JDP2: variants seen among roughly 807,000 people sequenced by gnomAD.
JDP2 encodes progesterone receptor co-activator.
A neutral mutation model predicts 17.1 loss-of-function variants in JDP2; 9 were observed. The ratio of observed to expected loss-of-function variants is 0.53; its 90% CI spans 0.32 to 0.92. The LOEUF is 0.92. JDP2 is among the 40% of genes least tolerant of loss of function. JDP2 has a pLI of 0.04. For missense variants in JDP2, 179 were observed against 220.0 expected, an observed-to-expected ratio of 0.81 and a Z score of 1.18; for synonymous variants, 107 against 95.6, an observed-to-expected ratio of 1.12 and a Z score of -0.69.
At chr14:75,460,766 G>T (rs1371532246) in intron 2 of JDP2, among the ~76,000 whole-genome samples, 1 of 152,222 alleles carries the variant, frequency 6.6e-6, no homozygotes, top group Non-Finnish European at 1.5e-5. Flanking sequence ...GACCCTGGGG[G>T]CAGAAGCGAG....
intron 2 of JDP2, among the ~76,000 whole-genome samples, chr14:75,448,051 C>A (rs972358151): frequency 3.3e-5 from 5 of 152,100 alleles, no homozygotes; most frequent in African/African-American, 1.2e-4. Flanking sequence ...AATTTGGATA[C>A]GAGATTATCA....
chr14:75,468,033 C>T (rs61978939), intron 3 of JDP2, among the ~76,000 whole-genome samples: 16,673 of 152,028 alleles, frequency 0.11, 1,110 homozygotes, highest in Middle Eastern at 0.18. Context: ...GGGTTGGGCC[C>T]ACTGAGGGTT....
At chr14:75,432,098 C>G (rs527928184) in intron 1 of JDP2, 157 of 580,714 alleles carry the variant, frequency 2.7e-4, no homozygotes, top group South Asian at 1.2e-3. Flanking sequence ...TCTTAACCCC[C>G]CCTTCCTCTT....
intron 3 of JDP2, among the ~76,000 whole-genome samples, chr14:75,462,583 T>G (rs1886388065): frequency 6.6e-6 from 1 of 152,228 alleles, no homozygotes; most frequent in South Asian, 2.1e-4. Context: ...TTCATTTGTT[T>G]GCTCTTTTGT....
chr14:75,465,774 A>G (rs1278764897), intron 3 of JDP2, among the ~76,000 whole-genome samples: 1 of 152,232 alleles, frequency 6.6e-6, no homozygotes, highest in Non-Finnish European at 1.5e-5. Context: ...TTCACCTTGT[A>G]TTCTTTCTAC....
At chr14:75,429,494 T>G (rs1884690260) in intron 1 of JDP2, among the ~76,000 whole-genome samples, 1 of 152,116 alleles carries the variant, frequency 6.6e-6, no homozygotes, top group South Asian at 2.1e-4. Flanking sequence ...TTTAAGCCCT[T>G]GGTAGAAACT....
chr14:75,469,348 A>T lies in JDP2; in HGVS notation c.365A>T (p.Lys122Met). Reference protein sequence around the residue: ...AELKTQIEELKQERQQLILML... With the variant: ...AELKTQIEELMQERQQLILML... Reference sequence around the variant, plus strand: ...CTGAAGACCCAGATTGAGGAGCTGAAGCAGGAGCGGCAGCAGCTCATCCTG... The same window carrying T: ...CTGAAGACCCAGATTGAGGAGCTGATGCAGGAGCGGCAGCAGCTCATCCTG... Residue 122 changes from lysine to methionine, a missense_variant, in exon 4 of 4, where the codon AAG becomes ATG. Coordinates refer to ENST00000651602, the MANE Select transcript of JDP2 (RefSeq NM_001135048.2). The T allele has an allele frequency of 6.2e-7, 1 of 1,614,198 alleles. No homozygotes were observed. The highest frequency in any genetic ancestry group is 8.5e-7 in the Non-Finnish European group (1 of 1,180,024).
intron 2 of JDP2, among the ~76,000 whole-genome samples, chr14:75,449,699 C>T (rs1167980415): frequency 6.6e-6 from 1 of 152,170 alleles, no homozygotes; most frequent in Non-Finnish European, 1.5e-5. Context: ...CATATTTCAG[C>T]AAAAGACATC....
At chr14:75,452,280 C>T (rs561230033) in intron 2 of JDP2, among the ~76,000 whole-genome samples, 1 of 152,210 alleles carries the variant, frequency 6.6e-6, no homozygotes, top group Non-Finnish European at 1.5e-5. Flanking sequence ...CCCAGCTTGG[C>T]AGCCTCGGGC....
intron 2 of JDP2, among the ~76,000 whole-genome samples, chr14:75,456,057 AG>A (rs1886090032): frequency 6.6e-6 from 1 of 152,120 alleles, no homozygotes; most frequent in South Asian, 2.1e-4. Context: ...CTGACCTCCA[AG>A]GGTAGAAGCT....
intron 3 of JDP2, among the ~76,000 whole-genome samples, chr14:75,461,776 G>A (rs1392129343): frequency 1.3e-5 from 2 of 152,182 alleles, no homozygotes; most frequent in South Asian, 4.1e-4. Flanking sequence ...AAGGAAGGAG[G>A]AGCCAAATTC....
chr14:75,451,274 A>C (rs572632597), intron 2 of JDP2, among the ~76,000 whole-genome samples: 2 of 150,060 alleles, frequency 1.3e-5, no homozygotes, highest in East Asian at 3.9e-4. Flanking sequence ...GGACTGGGGC[A>C]GTGGTCAAGG....
chr14:75,444,481 T>C (rs4899564), intron 2 of JDP2, among the ~76,000 whole-genome samples: 83,375 of 151,936 alleles, frequency 0.55, 24,502 homozygotes, highest in African/African-American at 0.78. Context: ...CTGGGAAGAG[T>C]TCTGGGCTTG....
At position 75,461,449 on chromosome 14, in the gene JDP2, GA is replaced by G; in HGVS notation, c.229del (p.Arg77GlyfsTer34). 6.2e-7 allele frequency: 1 copy of G among 1,608,948 alleles called. No homozygotes were observed. The highest frequency in any genetic ancestry group is 8.5e-7 in the Non-Finnish European group (1 of 1,178,352). ...SELDEEEERR[K>X]RRREKNKVAA... ...AGCTAGATGAGGAAGAGGAGCGAAG[GA>G]AAAGGCGCCGGGAGAAGAACAAAGT... On this transcript the variant is annotated frameshift_variant, in exon 3 of 4. Transcript: ENST00000651602. LOFTEE classifies it high-confidence loss of function.
At chr14:75,456,503 T>C (rs1886113275) in intron 2 of JDP2, among the ~76,000 whole-genome samples, 1 of 152,192 alleles carries the variant, frequency 6.6e-6, no homozygotes, top group African/African-American at 2.4e-5. Flanking sequence ...CTGCACTTGC[T>C]TAAATGTGTG....
At chr14:75,465,045 T>C (rs932727520) in intron 3 of JDP2, among the ~76,000 whole-genome samples, 5 of 152,290 alleles carry the variant, frequency 3.3e-5, no homozygotes, top group Middle Eastern at 3.4e-3. Flanking sequence ...GTCCTATCCA[T>C]TGATGAAGTT....
At chr14:75,442,388 A>T (rs1433592036) in intron 2 of JDP2, among the ~76,000 whole-genome samples, 1 of 151,992 alleles carries the variant, frequency 6.6e-6, no homozygotes, top group African/African-American at 2.4e-5. Flanking sequence ...CCTTGAGTTC[A>T]CCGCATTCCC....
At chr14:75,427,622 C>G (rs1253032588), upstream of JDP2, 1 of 152,862 alleles carries the variant, frequency 6.5e-6, no homozygotes, top group East Asian at 1.9e-4. The surrounding 1 kb of genome is among the most constrained non-coding windows in gnomAD (Gnocchi z 4.4). Context: ...CGGCCTCTCG[C>G]GTCTCTCTCC....
rs184633663 is a variant in JDP2, at chr14:75,447,454, A to T, written c.201+9333A>T. ...TTAAAGCATAATTTTATCTATTATTAAAAAAAGGCAAGATCCACACACATG... is the reference window on the plus strand; with the variant it reads ...TTAAAGCATAATTTTATCTATTATTTAAAAAAGGCAAGATCCACACACATG... On this transcript the variant is annotated intron_variant, in intron 2 of 3. Coordinates refer to ENST00000651602, the MANE Select transcript of JDP2 (RefSeq NM_001135048.2). 1.6e-4 allele frequency among the ~76,000 whole-genome samples: 24 copies of T among 151,086 alleles called. No homozygotes were observed. In the East Asian group the frequency reaches 4.1e-3, roughly 26 times the overall value.
Sources: allele counts gnomAD v4.1 joint callset (sites outside exome capture counted in the v4.1 genomes callset), GRCh38; gene constraint gnomAD v4.1.1; non-coding constraint Gnocchi (gnomAD v3.1); transcripts MANE v1.5; gene names NCBI Gene and HGNC (gene_info 2026-07-23, HGNC 2026-07-21).